Variants in BEAN1 observed in about 807,000 individuals in gnomAD.
BEAN1 encodes protein BEAN1.
A neutral mutation model predicts 17.7 loss-of-function variants in BEAN1; 17 were observed. The ratio of observed to expected loss-of-function variants is 0.96; its 90% CI spans 0.66 to 1.44. The LOEUF (loss-of-function observed/expected upper bound fraction) is 1.44, where lower values mean the gene tolerates loss of function less well. Ranked by LOEUF, BEAN1 falls within the 40% of genes most tolerant of loss-of-function variation. The pLI is 0.00. For synonymous variants in BEAN1, 142 were observed against 151.8 expected (o/e 0.94, Z 0.47); for missense variants, 359 against 374.1 (o/e 0.96, Z 0.33).
intron 1 of BEAN1, among the ~76,000 whole-genome samples, chr16:66,433,390 G>A (rs77432770): frequency 6.6e-6 from 1 of 152,182 alleles, no homozygotes; most frequent in African/African-American, 2.4e-5. Context: ...GGGATTACAG[G>A]CGTGAGCCAC....
chr16:66,477,783 TG>T, intron 4 of BEAN1, 73 bp downstream of exon 4: 1 of 1,388,952 alleles, frequency 7.2e-7, no homozygotes, highest in Non-Finnish European at 9.5e-7. Context: ...AACTCCATCA[TG>T]GGAAAGAGTG....
chr16:66,493,588 G>A (rs1275144685), downstream of BEAN1: 1 of 553,406 alleles, frequency 1.8e-6, no homozygotes, highest in Non-Finnish European at 3.2e-6. Context: ...GCCCAGCCCT[G>A]GCCCCTGGCC....
chr16:66,432,760 C>T (rs527619361), intron 1 of BEAN1, among the ~76,000 whole-genome samples: 2 of 152,352 alleles, frequency 1.3e-5, no homozygotes, highest in African/African-American at 4.8e-5. Context: ...TCCCTAAAAC[C>T]CACCAAGGGT....
intron 3 of BEAN1, among the ~76,000 whole-genome samples, chr16:66,476,994 T>C (rs1325611718): frequency 1.3e-5 from 2 of 152,124 alleles, no homozygotes; most frequent in East Asian, 3.9e-4. Flanking sequence ...CCCAGAGTTC[T>C]CTGAAGCCCT....
At chr16:66,467,036 C>T (rs1254164067) in intron 2 of BEAN1, among the ~76,000 whole-genome samples, 1 of 152,092 alleles carries the variant, frequency 6.6e-6, no homozygotes, top group African/African-American at 2.4e-5. Context: ...TCCCCAGACC[C>T]AGGGCTTATA....
chr16:66,477,189 C>T (rs113770374), intron 3 of BEAN1, among the ~76,000 whole-genome samples: 1 of 152,160 alleles, frequency 6.6e-6, no homozygotes. Context: ...GCAGCCCCTC[C>T]TCCAGGAAGC....
intron 3 of BEAN1, among the ~76,000 whole-genome samples, chr16:66,472,003 A>G (rs1183486558): frequency 6.6e-6 from 1 of 152,102 alleles, no homozygotes; most frequent in Admixed American, 6.5e-5. Flanking sequence ...GCCCTTGCCC[A>G]GCTCCTCCCA....
At chr16:66,455,268 T>G (rs1962822999) in intron 2 of BEAN1, among the ~76,000 whole-genome samples, 1 of 152,202 alleles carries the variant, frequency 6.6e-6, no homozygotes, top group Non-Finnish European at 1.5e-5. Flanking sequence ...TTTAGAGCAA[T>G]GCAAGTAACA....
chr16:66,470,214 G>GGAGA (rs1218776959), intron 3 of BEAN1, among the ~76,000 whole-genome samples: 4 of 151,726 alleles, frequency 2.6e-5, no homozygotes, highest in Non-Finnish European at 2.9e-5. Context: ...ATGGATGGAT[G>GGAGA]GATGGTTGGG....
At position 66,434,399 on chromosome 16, in the gene BEAN1, C is replaced by T. The variant is rs1961931928; in HGVS notation, c.-82-3196C>T. On this transcript the variant is annotated intron_variant, in intron 1 of 4. Transcript: ENST00000536005. The surrounding 1 kb of genome is among the most constrained non-coding windows in gnomAD (Gnocchi z 4.3). ...CTTGATGACCCCGACAAAGCTCTACCCTAGCAGAGGGTCTGATGCCACCAG... is the reference window on the plus strand; with the variant it reads ...CTTGATGACCCCGACAAAGCTCTACTCTAGCAGAGGGTCTGATGCCACCAG... 6.6e-6 allele frequency among the ~76,000 whole-genome samples: 1 copy of T among 152,160 alleles called. No individual in the cohort carries two copies. The highest frequency in any genetic ancestry group is 1.5e-5 in the Non-Finnish European group (1 of 68,030).
chr16:66,443,239 T>G (rs1034221685), intron 2 of BEAN1, among the ~76,000 whole-genome samples: 31 of 152,296 alleles, frequency 2.0e-4, no homozygotes, highest in Admixed American at 1.1e-3. Context: ...GCTGTGAGGA[T>G]CAAATAAGAT....
intron 2 of BEAN1, among the ~76,000 whole-genome samples, chr16:66,466,193 G>A (rs2142424697): frequency 6.6e-6 from 1 of 152,338 alleles, no homozygotes; most frequent in Admixed American, 6.5e-5. Context: ...TACTCAGGAG[G>A]CTGAGGCAGG....
At chr16:66,462,983 T>C (rs1597018088) in intron 2 of BEAN1, among the ~76,000 whole-genome samples, 1 of 151,920 alleles carries the variant, frequency 6.6e-6, no homozygotes, top group African/African-American at 2.4e-5. Context: ...TATAGTGGGG[T>C]AGAGGTCAGT....
intron 2 of BEAN1, among the ~76,000 whole-genome samples, chr16:66,450,738 A>G (rs1962642335): frequency 6.6e-6 from 1 of 152,084 alleles, no homozygotes; most frequent in Non-Finnish European, 1.5e-5. Context: ...AAAAATCAAA[A>G]AAGAAAGAAA....
At chr16:66,485,143 G>C (rs978356648), downstream of BEAN1, 1 of 452,978 alleles carries the variant, frequency 2.2e-6, no homozygotes, top group African/African-American at 2.0e-5. Context: ...GCCACCACGA[G>C]GAACATCCAT....
At chr16:66,443,256 G>T in intron 2 of BEAN1, among the ~76,000 whole-genome samples, 1 of 152,248 alleles carries the variant, frequency 6.6e-6, no homozygotes, top group East Asian at 1.9e-4. Context: ...AGATATCACA[G>T]GTGAAGGATT....
intron 2 of BEAN1, among the ~76,000 whole-genome samples, chr16:66,453,051 T>G (rs1962733933): frequency 6.6e-6 from 1 of 152,168 alleles, no homozygotes; most frequent in Non-Finnish European, 1.5e-5. Context: ...TTTTATCTTT[T>G]CAAAAAAACA....
chr16:66,460,290 CCT>C (rs1442413137), intron 2 of BEAN1, among the ~76,000 whole-genome samples: 2 of 152,208 alleles, frequency 1.3e-5, no homozygotes, highest in Non-Finnish European at 2.9e-5. Context: ...ACACTCTCCA[CCT>C]CTCAGGGCTG....
rs1458888879 is a variant in BEAN1, at chr16:66,434,913, C to T, written c.-82-2682C>T. 6.6e-6 allele frequency among the ~76,000 whole-genome samples: 1 copy of T among 152,142 alleles called. No individual in the cohort carries two copies. The highest frequency in any genetic ancestry group is 1.5e-5 in the Non-Finnish European group (1 of 68,038). ...CCTGAGCTAGTTTGCAGAGGCCACA[C>T]TGACCCTCCATGCCCTCGAGGAGCT... On this transcript the variant is annotated intron_variant, in intron 1 of 4. Coordinates refer to ENST00000536005, the MANE Select transcript of BEAN1 (RefSeq NM_001178020.3). The surrounding 1 kb of genome is among the most constrained non-coding windows in gnomAD (Gnocchi z 4.3).
Sources: allele counts gnomAD v4.1 joint callset (sites outside exome capture counted in the v4.1 genomes callset), GRCh38; gene constraint gnomAD v4.1.1; non-coding constraint Gnocchi (gnomAD v3.1); transcripts MANE v1.5; gene names NCBI Gene and HGNC (gene_info 2026-07-23, HGNC 2026-07-21).